Variants in ALK observed in about 807,000 individuals in gnomAD.
ALK encodes ALK tyrosine kinase receptor.
Under a neutral mutation model 163.1 loss-of-function variants are expected in ALK, and 74 were observed. That is an observed-to-expected ratio of 0.45 (90% CI 0.38 to 0.55). The LOEUF (loss-of-function observed/expected upper bound fraction) is 0.55. Ranked by LOEUF, ALK falls within the 20% of genes least tolerant of loss-of-function variation. The probability of loss-of-function intolerance (pLI) is 0.00; values close to 1 mark genes in which losing one functional copy is unlikely to be tolerated. For synonymous variants in ALK, 960 were observed against 843.2 expected, an observed-to-expected ratio of 1.14 and a Z score of -2.40; for missense variants, 2,063 against 2,105.3, an observed-to-expected ratio of 0.98 and a Z score of 0.39.
intron 4 of ALK, among the ~76,000 whole-genome samples, chr2:29,508,550 G>A (rs1172845427): frequency 6.6e-6 from 1 of 151,924 alleles, no homozygotes; most frequent in African/African-American, 2.4e-5. Context: ...CTGTCATGGG[G>A]TGTGGGGAGC....
At chr2:29,440,370 G>T (rs1670509793) in intron 4 of ALK, among the ~76,000 whole-genome samples, 1 of 145,872 alleles carries the variant, frequency 6.9e-6, no homozygotes, top group Non-Finnish European at 1.5e-5. Flanking sequence ...TAGCTGGAGT[G>T]CAGTGGTGCG....
chr2:29,818,314 C>A (rs1664952750), intron 1 of ALK, among the ~76,000 whole-genome samples: 1 of 152,210 alleles, frequency 6.6e-6, no homozygotes, highest in Non-Finnish European at 1.5e-5. Flanking sequence ...GAGTTTTTCC[C>A]TTTTCCCTGG....
intron 3 of ALK, among the ~76,000 whole-genome samples, chr2:29,649,326 C>T (rs1055300399): frequency 6.6e-6 from 1 of 151,766 alleles, no homozygotes; most frequent in Non-Finnish European, 1.5e-5. Context: ...AGACCCTCAC[C>T]CCACCTCACC....
At chr2:29,470,202 G>GA (rs1168963999) in intron 4 of ALK, among the ~76,000 whole-genome samples, 1 of 151,118 alleles carries the variant, frequency 6.6e-6, no homozygotes, top group South Asian at 2.1e-4. Context: ...ATAGGAAGAA[G>GA]AAAAAAAAGA....
chr2:29,515,600 G>T (rs1484136582), intron 4 of ALK, among the ~76,000 whole-genome samples: 1 of 152,060 alleles, frequency 6.6e-6, no homozygotes, highest in Non-Finnish European at 1.5e-5. Context: ...GGGATCATGT[G>T]GTTGTGGGAA....
At chr2:29,203,512 T>TTTTTTTTA (rs869138004) in intron 26 of ALK, among the ~76,000 whole-genome samples, 1 of 127,628 alleles carries the variant, frequency 7.8e-6, no homozygotes, top group African/African-American at 2.8e-5. Flanking sequence ...TTTTTTTTTT[T>TTTTTTTTA]GTGAGACAGA....
intron 4 of ALK, among the ~76,000 whole-genome samples, chr2:29,450,913 T>C (rs893600887): frequency 2.0e-5 from 3 of 151,994 alleles, no homozygotes; most frequent in African/African-American, 7.2e-5. Context: ...ACATATGAAG[T>C]GAGAGTCCGT....
intron 4 of ALK, among the ~76,000 whole-genome samples, chr2:29,410,190 A>G (rs1341296070): frequency 1.3e-5 from 2 of 152,194 alleles, no homozygotes; most frequent in African/African-American, 4.8e-5. Context: ...CACTAAGGAA[A>G]GCTCAAGCTG....
rs538098116 is a variant in ALK, at chr2:29,328,961, G to C, written c.1283-480C>G. Among the ~76,000 whole-genome samples the C allele has an allele frequency of 2.0e-5, 3 of 152,258 alleles. No individual in the cohort carries two copies. The South Asian group carries it at 6.2e-4, about 32-fold the overall frequency. ...GGAGTGACTTATTGAGAAGATATTA[G>C]AAAGATGCAGCACTTTCTGTTCTGG... is the stretch of plus-strand genomic sequence containing the variant. On this transcript the variant is annotated intron_variant, in intron 5 of 28. Transcript: ENST00000389048.
chr2:29,579,756 G>A (rs1407878468), intron 3 of ALK, among the ~76,000 whole-genome samples: 4 of 152,082 alleles, frequency 2.6e-5, no homozygotes, highest in African/African-American at 9.7e-5. Flanking sequence ...AAGGTTGAAA[G>A]ACCCCCTCAG....
rs2148251105 is a variant in ALK at position 29,320,875 on chromosome 2, C to T, written c.1422G>A (p.Leu474=). 1 of 1,614,184 alleles carries T rather than the reference C, an allele frequency of 6.2e-7. No homozygotes were observed. The highest frequency in any genetic ancestry group is 8.5e-7 in the Non-Finnish European group (1 of 1,180,026). The stretch of plus-strand genomic sequence containing the variant: ...CAAAGTTGCAGTAAAAACCCACAGG[C>T]AGTTTCCCTATGGAGAGAGCAGAGA... ...GEDESQMCRK[L]PVGFYCNFED... Residue 474 remains leucine, a synonymous_variant, in exon 7 of 29, where the codon CTG becomes CTA. Coordinates refer to ENST00000389048, the MANE Select transcript of ALK (RefSeq NM_004304.5).
intron 8 of ALK, among the ~76,000 whole-genome samples, chr2:29,311,748 TG>T (rs1666700936): frequency 1.3e-5 from 2 of 152,124 alleles, no homozygotes; most frequent in African/African-American, 4.8e-5. Flanking sequence ...GTTCCTCTCC[TG>T]AGCCTTCTCT....
chr2:29,263,770 G>C (rs554823868), intron 11 of ALK, among the ~76,000 whole-genome samples: 2 of 152,194 alleles, frequency 1.3e-5, no homozygotes, highest in South Asian at 2.1e-4. Flanking sequence ...AAAAGGCCAA[G>C]AGGATCTCAG....
At chr2:29,904,606 C>G (rs72857511) in intron 1 of ALK, among the ~76,000 whole-genome samples, 1 of 152,018 alleles carries the variant, frequency 6.6e-6, no homozygotes, top group African/African-American at 2.4e-5. Flanking sequence ...TAAAATTTAC[C>G]TCATTTACTC....
chr2:29,528,661 A>T (rs1446878098), intron 4 of ALK, among the ~76,000 whole-genome samples: 1 of 152,054 alleles, frequency 6.6e-6, no homozygotes, highest in African/African-American at 2.4e-5. Context: ...GAATGTTTGA[A>T]CCCAAAAGGA....
At chr2:29,525,697 G>A (rs1032180379) in intron 4 of ALK, among the ~76,000 whole-genome samples, 20 of 150,026 alleles carry the variant, frequency 1.3e-4, no homozygotes, top group African/African-American at 3.4e-4. Flanking sequence ...GGCTGAGGCA[G>A]GAAAATCACT....
At chr2:29,238,814 A>G (rs1344082629) in intron 13 of ALK, among the ~76,000 whole-genome samples, 1 of 152,222 alleles carries the variant, frequency 6.6e-6, no homozygotes, top group Non-Finnish European at 1.5e-5. Flanking sequence ...TGATTAATAA[A>G]AATGATAAAG....
At chr2:29,336,360 A>G (rs56878135) in intron 5 of ALK, among the ~76,000 whole-genome samples, 34,060 of 151,986 alleles carry the variant, frequency 0.22, 4,369 homozygotes, top group African/African-American at 0.34. Flanking sequence ...TCTCCCTTCC[A>G]GGGCATCTTT....
At chr2:29,774,604 G>A (rs55728391) in intron 1 of ALK, among the ~76,000 whole-genome samples, 87 of 152,246 alleles carry the variant, frequency 5.7e-4, no homozygotes, top group Non-Finnish European at 1.1e-3. Context: ...AATCCAACCT[G>A]GGACTCACTC....
Sources: gnomAD v4.1 joint callset for allele counts (sites outside exome capture counted in the v4.1 genomes callset) on GRCh38, gnomAD v4.1.1 for gene constraint, MANE v1.5 for transcripts, NCBI Gene and HGNC (gene_info 2026-07-23, HGNC 2026-07-21) for gene names.